The following ZBTB11 variants were observed in gnomAD, a reference collection of about 807,000 sequenced individuals.
The protein encoded by ZBTB11 is zinc finger and BTB domain-containing protein 11.
Under a neutral mutation model 113.1 loss-of-function variants are expected in ZBTB11, and 68 were observed. That is an observed-to-expected ratio of 0.60 (90% CI 0.49 to 0.74). ZBTB11 has a LOEUF of 0.74. ZBTB11 is among the 30% of genes least tolerant of loss of function. The probability of loss-of-function intolerance (pLI) is 0.00; values close to 1 mark genes in which losing one functional copy is unlikely to be tolerated. For missense variants in ZBTB11, 1,104 were observed against 1,279.4 expected (o/e 0.86, Z 2.09); for synonymous variants, 518 against 452.6 (o/e 1.14, Z -1.83).
intron 1 of ZBTB11, 135 bp from the exon 2 acceptor site, chr3:101,672,348 T>C (rs1033432688): frequency 1.0e-5 from 6 of 599,472 alleles, no homozygotes; most frequent in Admixed American, 3.6e-5. Context: ...GTAGAGTTTA[T>C]TAGAATGTAA....
intron 1 of ZBTB11, among the ~76,000 whole-genome samples, chr3:101,673,692 T>C (rs900153862): frequency 3.9e-5 from 6 of 152,072 alleles, no homozygotes; most frequent in African/African-American, 1.4e-4. Flanking sequence ...TTTTTGTATT[T>C]TTAGTAGAGA....
At position 101,659,750 on chromosome 3, in the gene ZBTB11, C is replaced by A. The variant is rs367589407; in HGVS notation, c.2046+33G>T. The A allele has an allele frequency of 1.1e-5, 18 of 1,609,564 alleles. No individual in the cohort carries two copies. The African/African-American group carries it at 2.0e-4, about 18-fold the overall frequency. On this transcript the variant is annotated intron_variant, in intron 6 of 10. Transcript: ENST00000312938. ...GCACACATAGTTAAGTTCTAATGTT[C>A]TTTAAATAGCAAAATAAACGTTATA...
intron 1 of ZBTB11, among the ~76,000 whole-genome samples, chr3:101,675,127 G>A (rs893878197): frequency 2.0e-5 from 3 of 152,162 alleles, no homozygotes; most frequent in African/African-American, 4.8e-5. Flanking sequence ...AAGGGCTAAC[G>A]ACTACATCCT....
Position 101,649,594 on chromosome 3 carries a change from C to T in ZBTB11, c.*1572G>A, listed in dbSNP as rs1024934075. 1.3e-5 allele frequency: 2 copies of T among 152,358 alleles called. No individual in the cohort carries two copies. The highest frequency in any genetic ancestry group is 2.9e-5 in the Non-Finnish European group (2 of 68,012). The allele number at this position is 152,358 out of a possible 1,614,324, so 9.4% of individuals were successfully genotyped here. ...TTAGTCAGGTTGAAATGTTTTTCCA[C>T]TAACTGAAAGATAAGATAAATGAGC... On this transcript the variant is annotated 3_prime_UTR_variant, in exon 11 of 11. Coordinates refer to ENST00000312938, the MANE Select transcript of ZBTB11 (RefSeq NM_014415.4).
In ZBTB11 at chr3:101,650,839, G is replaced by T. The variant is rs930506524; in HGVS notation, c.*327C>A. On this transcript the variant is annotated 3_prime_UTR_variant, in exon 11 of 11. Coordinates refer to ENST00000312938, the MANE Select transcript of ZBTB11 (RefSeq NM_014415.4). ...AATAAAGTAATGTCAAAATGCAAAT[G>T]AAACTGTACGGTTTTAAATTCAGTA... The T allele has an allele frequency of 1.4e-4, 25 of 175,514 alleles. No individual in the cohort carries two copies. In the Admixed American group the frequency reaches 1.5e-3, roughly 10 times the overall value. The allele number at this position is 175,514 out of a possible 1,614,324, so 10.9% of individuals were successfully genotyped here.
chr3:101,656,107 T>C lies in ZBTB11; in HGVS notation c.2188A>G (p.Thr730Ala), dbSNP rs758655872. ...GTCAATATAAATTTCTCATTACCTG[T>C]GTGAATACTCATATGTTCTTGAAGA... ...RSLQEHMSIH[T>A]GESKYLCSVC... is the part of the protein sequence containing the mutation. The change falls in exon 7 of 11, where the codon ACA becomes GCA. Residue 730 changes from threonine (T) to alanine (A), a missense_variant. Physicochemically the swap from Thr to Ala is moderately conservative, Grantham distance 58. Transcript: ENST00000312938. 1 of 1,550,478 alleles carries C rather than the reference T, an allele frequency of 6.4e-7. No homozygotes were observed. Among genetic ancestry groups the C allele is most frequent in the Non-Finnish European group, 8.7e-7 (1 of 1,150,612 alleles).
rs1936724063 is a variant in ZBTB11, at chr3:101,652,579, T to C, written c.2561A>G (p.Gln854Arg). The change falls in exon 10 of 11, where the codon CAA (glutamine) becomes CGA (arginine). Residue 854 changes from glutamine (Q) to arginine (R), a missense_variant. Physicochemically the swap from Gln to Arg is conservative, Grantham distance 43. Transcript: ENST00000312938. ...ATHGKKGRAK[Q>R]NLERVCEKCG... is the part of the protein sequence containing the mutation. Reference sequence around the variant, plus strand: ...TTTTTCACACACCCGTTCCAGGTTTTGCTTTGCTCTTCCTTTCTTCCCATG... The same window carrying C: ...TTTTTCACACACCCGTTCCAGGTTTCGCTTTGCTCTTCCTTTCTTCCCATG... 1 of 1,614,204 alleles carries C rather than the reference T, an allele frequency of 6.2e-7. No homozygotes were observed.
chr3:101,674,703 TAAATAAATA>T (rs1937134818), intron 1 of ZBTB11, among the ~76,000 whole-genome samples: 2 of 140,056 alleles, frequency 1.4e-5, no homozygotes, highest in South Asian at 2.4e-4. Flanking sequence ...TCTCAATAAA[TAAATAAATA>T]AAATAAATAA....
intron 4 of ZBTB11, 42 bp downstream of exon 4, chr3:101,664,922 C>A (rs1245951133): frequency 2.6e-6 from 4 of 1,560,640 alleles, no homozygotes; most frequent in East Asian, 4.5e-5. Context: ...TGCTTTCAAC[C>A]TAAAGCTAAA....
In ZBTB11 at chr3:101,649,796, G is replaced by A. The variant is rs190273037; in HGVS notation, c.*1370C>T. On this transcript the variant is annotated 3_prime_UTR_variant, in exon 11 of 11. Transcript: ENST00000312938. ...AAAGTAAACTGGGAGAGGCAACTTA[G>A]TAATATATGTACATCAAGGCACATT... 2.6e-5 allele frequency: 4 copies of A among 152,740 alleles called. No individual in the cohort carries two copies. In the East Asian group the frequency reaches 7.7e-4, roughly 29 times the overall value. The allele number at this position is 152,740 out of a possible 1,614,324, so 9.5% of individuals were successfully genotyped here.
chr3:101,665,616 A>C lies in ZBTB11; in HGVS notation c.971T>G (p.Val324Gly). The C allele has an allele frequency of 1.2e-6, 2 of 1,614,204 alleles. No homozygotes were observed. Among genetic ancestry groups the C allele is most frequent in the Non-Finnish European group, 1.7e-6 (2 of 1,180,040 alleles). ...KQLTVYKKGE[V>G]QTVASTQDLR... ...GTCCTGGGTGGATGCAACTGTTTGT[A>C]CTTCGCCCTTCTTATATACTGTTAG... is the stretch of plus-strand genomic sequence containing the variant. The change falls in exon 4 of 11, where the codon GTA becomes GGA. Residue 324 changes from valine (V) to glycine (G), a missense_variant. Around this residue, in one of 5 missense-constraint regions of ZBTB11, gnomAD observed 535 missense variants for 518.6 expected, o/e 1.03. Coordinates refer to ENST00000312938, the MANE Select transcript of ZBTB11 (RefSeq NM_014415.4).
In ZBTB11 at chr3:101,676,747, G is replaced by GCGGTGC. The variant is rs1937182246; in HGVS notation, c.162_167dup (p.His55_Arg56dup). ...CCACCTCCAGCTCCGCGAAGGTCTT[G>GCGGTGC]CGGTGCCGCTGCCGCCGCTGGTAAT... On this transcript the variant is annotated inframe_insertion, in exon 1 of 11. Coordinates refer to ENST00000312938, the MANE Select transcript of ZBTB11 (RefSeq NM_014415.4). The GCGGTGC allele has an allele frequency of 2.5e-6, 4 of 1,606,602 alleles. No individual in the cohort carries two copies. Among genetic ancestry groups the GCGGTGC allele is most frequent in the South Asian group, 1.1e-5 (1 of 90,280 alleles).
In ZBTB11 at chr3:101,656,141, G is replaced by T; in HGVS notation, c.2154C>A (p.Thr718=). The T allele has an allele frequency of 6.3e-7, 1 of 1,590,800 alleles. No homozygotes were observed. Among genetic ancestry groups the T allele is most frequent in the Non-Finnish European group, 8.5e-7 (1 of 1,169,982 alleles). Reference sequence around the variant, plus strand: ...TCATATGTTCTTGAAGACTCCGTTTGGTAACAAATGACTTAACACACAGTT... The same window carrying T: ...TCATATGTTCTTGAAGACTCCGTTTTGTAACAAATGACTTAACACACAGTT... ...QCELCVKSFV[T]KRSLQEHMSI... Residue 718 remains threonine, a synonymous_variant, in exon 7 of 11, where the codon ACC becomes ACA. Coordinates refer to ENST00000312938, the MANE Select transcript of ZBTB11 (RefSeq NM_014415.4).
intron 6 of ZBTB11, 124 bp downstream of exon 6, chr3:101,659,659 C>T (rs1041388389): frequency 6.4e-6 from 8 of 1,248,022 alleles, no homozygotes; most frequent in Non-Finnish European, 8.9e-6. Context: ...ATAAAGAAGT[C>T]ATAAATTTAC....
At chr3:101,654,186 G>A (rs1936754519) in intron 8 of ZBTB11, among the ~76,000 whole-genome samples, 1 of 152,050 alleles carries the variant, frequency 6.6e-6, no homozygotes, top group African/African-American at 2.4e-5. Context: ...GACTACAGGT[G>A]TGAACCACCA....
intron 3 of ZBTB11, 60 bp from the exon 4 acceptor site, chr3:101,665,868 A>G: frequency 2.1e-6 from 3 of 1,437,722 alleles, no homozygotes; most frequent in Non-Finnish European, 2.8e-6. Flanking sequence ...ACAATACAGA[A>G]TTATGACAAT....
chr3:101,668,857 A>G (rs1274355284), intron 3 of ZBTB11, among the ~76,000 whole-genome samples: 1 of 152,200 alleles, frequency 6.6e-6, no homozygotes, highest in Non-Finnish European at 1.5e-5. Flanking sequence ...GAAAATAAAT[A>G]AAAGGGAAAA....
At chr3:101,659,476 C>A (rs1487962166) in intron 6 of ZBTB11, among the ~76,000 whole-genome samples, 1 of 152,122 alleles carries the variant, frequency 6.6e-6, no homozygotes, top group Non-Finnish European at 1.5e-5. Context: ...CTTTCTAGTC[C>A]TGGTTGGTCC....
chr3:101,665,852 A>C (rs771170903), intron 3 of ZBTB11, 44 bp from the exon 4 acceptor site: 1 of 1,501,832 alleles, frequency 6.7e-7, no homozygotes, highest in Non-Finnish European at 9.0e-7. Context: ...GTCAATTATC[A>C]ATGAAACAAT....
Sources: allele counts gnomAD v4.1 joint callset (sites outside exome capture counted in the v4.1 genomes callset), GRCh38; gene constraint gnomAD v4.1.1; regional missense constraint gnomAD v4.1.1; transcripts MANE v1.5; gene names NCBI Gene and HGNC (gene_info 2026-07-23, HGNC 2026-07-21).